Variants in LIMS1 observed in about 807,000 individuals in gnomAD.
LIMS1 encodes the protein LIM zinc finger domain containing 1.
LIMS1 carries 18 observed loss-of-function variants against 44.1 expected under a neutral mutation model. The observed-to-expected ratio is 0.41, with a 90% CI of 0.28 to 0.61. The LOEUF is 0.61. Ranked by LOEUF, LIMS1 falls within the 20% of genes least tolerant of loss-of-function variation. The probability of loss-of-function intolerance (pLI) is 0.32; values close to 1 mark genes in which losing one functional copy is unlikely to be tolerated. For synonymous variants in LIMS1, 93 were observed against 149.1 expected (o/e 0.62, Z 2.74); for missense variants, 201 against 422.0 (o/e 0.48, Z 4.59).
At chr2:108,636,938 C>A (rs1476517582) in intron 1 of LIMS1, among the ~76,000 whole-genome samples, 2 of 152,082 alleles carry the variant, frequency 1.3e-5, no homozygotes, top group Non-Finnish European at 2.9e-5. Flanking sequence ...AGTGGTTGAC[C>A]TCCTGACCTT....
chr2:108,538,532 A>G (rs1684214228), intron 1 of LIMS1, among the ~76,000 whole-genome samples: 1 of 152,248 alleles, frequency 6.6e-6, no homozygotes, highest in Non-Finnish European at 1.5e-5. Flanking sequence ...GGGACTCAGC[A>G]TCAGCACACC....
chr2:108,646,474 T>G (rs984492611), intron 1 of LIMS1, among the ~76,000 whole-genome samples: 1 of 152,106 alleles, frequency 6.6e-6, no homozygotes, highest in South Asian at 2.1e-4. Flanking sequence ...GGGACACATT[T>G]AAAGCAGTGT....
chr2:108,579,842 G>A (rs533559425), intron 1 of LIMS1, among the ~76,000 whole-genome samples: 23 of 152,288 alleles, frequency 1.5e-4, no homozygotes, highest in East Asian at 7.7e-4. Context: ...CAGAGGAAGC[G>A]ACCTCTTGAC....
chr2:108,607,840 T>G (rs1477792038), intron 1 of LIMS1, among the ~76,000 whole-genome samples: 3 of 152,178 alleles, frequency 2.0e-5, no homozygotes, highest in Non-Finnish European at 4.4e-5. Flanking sequence ...TGGGTAACAT[T>G]CATGTGATAT....
chr2:108,623,081 G>T (rs1164031133), intron 1 of LIMS1, among the ~76,000 whole-genome samples: 1 of 151,222 alleles, frequency 6.6e-6, no homozygotes, highest in African/African-American at 2.4e-5. Context: ...ACCCATTCTG[G>T]TGATGTAGTT....
At chr2:108,619,412 G>A (rs1367552620) in intron 1 of LIMS1, among the ~76,000 whole-genome samples, 2 of 151,422 alleles carry the variant, frequency 1.3e-5, no homozygotes, top group African/African-American at 2.4e-5. Flanking sequence ...GGCTGGGCAC[G>A]GTGGCACACG....
intron 1 of LIMS1, among the ~76,000 whole-genome samples, chr2:108,645,220 A>G (rs1689976760): frequency 6.6e-6 from 1 of 152,182 alleles, no homozygotes. Flanking sequence ...GAAATGAAGG[A>G]AAAAATGTTA....
intron 1 of LIMS1, among the ~76,000 whole-genome samples, chr2:108,540,535 C>T (rs142990804): frequency 2.6e-5 from 4 of 152,014 alleles, no homozygotes; most frequent in Admixed American, 6.6e-5. Context: ...TTGTGGAATT[C>T]GTGGTAGTAT....
At chr2:108,573,606 A>G (rs371866012) in intron 1 of LIMS1, among the ~76,000 whole-genome samples, 6 of 152,212 alleles carry the variant, frequency 3.9e-5, no homozygotes, top group Admixed American at 2.0e-4. Context: ...CCTGGTAGAG[A>G]CCAGGTGTAT....
intron 1 of LIMS1, among the ~76,000 whole-genome samples, chr2:108,553,434 G>A (rs1033384075): frequency 6.6e-5 from 10 of 152,116 alleles, no homozygotes; most frequent in South Asian, 2.1e-4. Context: ...CATAATAGAA[G>A]CTTTTTAGCA....
At chr2:108,621,587 T>C (rs1688244502) in intron 1 of LIMS1, 1 of 700,868 alleles carries the variant, frequency 1.4e-6, no homozygotes, top group Admixed American at 2.3e-5. Flanking sequence ...TAGTCTGTAA[T>C]TAAAAACTGA....
At chr2:108,607,589 C>T (rs1188564186) in intron 1 of LIMS1, among the ~76,000 whole-genome samples, 7 of 152,140 alleles carry the variant, frequency 4.6e-5, no homozygotes, top group Non-Finnish European at 8.8e-5. Context: ...TGCTTATTTA[C>T]TTCTGGGTCT....
intron 1 of LIMS1, among the ~76,000 whole-genome samples, chr2:108,643,861 G>GTAGA (rs1283692146): frequency 2.0e-5 from 3 of 152,216 alleles, no homozygotes; most frequent in Non-Finnish European, 1.5e-5. Flanking sequence ...TAAGGCTTGA[G>GTAGA]TAGATGGTTT....
At chr2:108,538,688 T>C (rs887151851) in intron 1 of LIMS1, among the ~76,000 whole-genome samples, 3 of 152,238 alleles carry the variant, frequency 2.0e-5, no homozygotes, top group Non-Finnish European at 4.4e-5. Flanking sequence ...ATTGCTTTTT[T>C]TAGTATTAAA....
intron 1 of LIMS1, among the ~76,000 whole-genome samples, chr2:108,596,430 C>G (rs1054531186): frequency 6.6e-6 from 1 of 152,230 alleles, no homozygotes; most frequent in Non-Finnish European, 1.5e-5. Context: ...TGGGAGCACA[C>G]TTTTTGGAAG....
At chr2:108,566,463 A>G (rs1029745250) in intron 1 of LIMS1, among the ~76,000 whole-genome samples, 4 of 152,200 alleles carry the variant, frequency 2.6e-5, no homozygotes, top group African/African-American at 9.6e-5. Flanking sequence ...CTCAGAGGGT[A>G]AATTGCCCAG....
chr2:108,612,010 A>ATATTATATATACACACATC (rs879410641), intron 1 of LIMS1, among the ~76,000 whole-genome samples: 1 of 136,728 alleles, frequency 7.3e-6, no homozygotes, highest in Non-Finnish European at 1.5e-5. Context: ...ATACACACAT[A>ATATTATATATACACACATC]TATATATACA....
chr2:108,671,128 A>G, intron 3 of LIMS1: 1 of 436,790 alleles, frequency 2.3e-6, no homozygotes, highest in Non-Finnish European at 4.1e-6. Flanking sequence ...CTGAGATTGC[A>G]CCACTTCACT....
chr2:108,624,845 G>A (rs571500214), intron 1 of LIMS1, among the ~76,000 whole-genome samples: 107 of 152,348 alleles, frequency 7.0e-4, no homozygotes, highest in African/African-American at 2.4e-3. Flanking sequence ...TTGGGAGGCC[G>A]AGGCAGGCAG....
Sources: gnomAD v4.1 joint callset for allele counts (sites outside exome capture counted in the v4.1 genomes callset) on GRCh38, gnomAD v4.1.1 for gene constraint, MANE v1.5 for transcripts, NCBI Gene and HGNC (gene_info 2026-07-23, HGNC 2026-07-21) for gene names.